Variants in ULK4 observed in about 807,000 individuals in gnomAD.
ULK4 encodes the protein inactive serine/threonine-protein kinase ULK4.
Under a neutral mutation model 160.6 loss-of-function variants are expected in ULK4, and 133 were observed. That is an observed-to-expected ratio of 0.83 (90% CI 0.72 to 0.96). The LOEUF (loss-of-function observed/expected upper bound fraction) is 0.96. Among genes scored for constraint, ULK4 ranks in the 40% least tolerant of loss-of-function variants. The pLI is 0.00. For missense variants in ULK4, 1,580 were observed against 1,499.5 expected (o/e 1.05, Z -0.89); for synonymous variants, 534 against 539.8 (o/e 0.99, Z 0.15).
At chr3:41,892,528 A>AT (rs1698004268) in intron 16 of ULK4, among the ~76,000 whole-genome samples, 1 of 152,250 alleles carries the variant, frequency 6.6e-6, no homozygotes, top group Non-Finnish European at 1.5e-5. Flanking sequence ...AAGGAATGAA[A>AT]TGCTGACACA....
At chr3:41,899,621 G>A (rs1698281909) in intron 13 of ULK4, among the ~76,000 whole-genome samples, 1 of 151,710 alleles carries the variant, frequency 6.6e-6, no homozygotes, top group South Asian at 2.1e-4. Context: ...AATTTTTTTT[G>A]TTTTTTAGTT....
At chr3:41,272,100 A>G (rs1306277765) in intron 35 of ULK4, among the ~76,000 whole-genome samples, 2 of 151,826 alleles carry the variant, frequency 1.3e-5, no homozygotes, top group African/African-American at 4.8e-5. Context: ...TATTTTTAGT[A>G]GAGATGGGGT....
intron 35 of ULK4, among the ~76,000 whole-genome samples, chr3:41,310,992 CA>C (rs1188818662): frequency 2.1e-5 from 3 of 139,992 alleles, no homozygotes; most frequent in Admixed American, 1.5e-4. Flanking sequence ...GACCTCGTCT[CA>C]AAAAAAAATA....
chr3:41,522,883 C>A (rs2085982117), intron 32 of ULK4, among the ~76,000 whole-genome samples: 1 of 152,132 alleles, frequency 6.6e-6, no homozygotes, highest in African/African-American at 2.4e-5. Context: ...GGTGAAAAAA[C>A]AGTCAACAGA....
intron 9 of ULK4, among the ~76,000 whole-genome samples, chr3:41,912,346 A>G (rs1340170787): frequency 6.6e-6 from 1 of 151,774 alleles, no homozygotes; most frequent in Non-Finnish European, 1.5e-5. Context: ...AAAAAAAAAA[A>G]AAATCCAGGT....
chr3:41,940,061 C>G (rs552853405), intron 2 of ULK4, among the ~76,000 whole-genome samples: 1 of 151,642 alleles, frequency 6.6e-6, no homozygotes, highest in Admixed American at 6.6e-5. Context: ...GAAATTGACA[C>G]TTCTAGTCTT....
intron 31 of ULK4, among the ~76,000 whole-genome samples, chr3:41,575,404 C>A (rs1457291755): frequency 6.6e-6 from 1 of 152,104 alleles, no homozygotes; most frequent in African/African-American, 2.4e-5. Context: ...CAGGCTCTGA[C>A]AGGGGCTGAG....
intron 18 of ULK4, 102 bp downstream of exon 18, chr3:41,835,762 C>T: frequency 2.5e-6 from 2 of 791,424 alleles, no homozygotes; most frequent in Non-Finnish European, 2.0e-6. Context: ...CAGGCGTGCT[C>T]TAAGGCGCAA....
At chr3:41,323,904 T>C (rs993483299) in intron 35 of ULK4, among the ~76,000 whole-genome samples, 3 of 152,176 alleles carry the variant, frequency 2.0e-5, no homozygotes, top group African/African-American at 7.2e-5. Flanking sequence ...ATGGCATAGG[T>C]CAGTTACTTC....
At chr3:41,904,057 T>A (rs1343615146) in intron 12 of ULK4, among the ~76,000 whole-genome samples, 1 of 152,056 alleles carries the variant, frequency 6.6e-6, no homozygotes, top group Non-Finnish European at 1.5e-5. Flanking sequence ...ATTTTTCTAT[T>A]TTCTTTGTCC....
At chr3:41,928,900 G>A (rs998576517) in intron 5 of ULK4, among the ~76,000 whole-genome samples, 3 of 152,066 alleles carry the variant, frequency 2.0e-5, no homozygotes, top group South Asian at 2.1e-4. Context: ...AGCCGAATTC[G>A]ACCGGAGGTA....
intron 35 of ULK4, among the ~76,000 whole-genome samples, chr3:41,277,121 C>CA (rs752419379): frequency 6.6e-6 from 1 of 151,916 alleles, no homozygotes; most frequent in Non-Finnish European, 1.5e-5. Flanking sequence ...AAATTACCAC[C>CA]AAAAAATGTC....
intron 18 of ULK4, among the ~76,000 whole-genome samples, chr3:41,828,987 T>G (rs554923541): frequency 2.8e-4 from 42 of 150,928 alleles, no homozygotes; most frequent in Non-Finnish European, 4.9e-4. Context: ...TCAGAAATAA[T>G]GCCACATATC....
chr3:41,413,540 T>A (rs1454350966), intron 34 of ULK4, among the ~76,000 whole-genome samples: 1 of 152,204 alleles, frequency 6.6e-6, no homozygotes, highest in Non-Finnish European at 1.5e-5. Context: ...ATTACCACCA[T>A]TACCCTCCTC....
intron 21 of ULK4, among the ~76,000 whole-genome samples, chr3:41,773,508 T>C (rs971996384): frequency 2.9e-4 from 44 of 152,100 alleles, no homozygotes; most frequent in African/African-American, 1.0e-3. Context: ...GGAATCCAAC[T>C]TAAAAGGGAT....
chr3:41,907,797 T>C, intron 12 of ULK4, 48 bp downstream of exon 12: 2 of 1,220,404 alleles, frequency 1.6e-6, no homozygotes, highest in Non-Finnish European at 2.3e-6. Context: ...ATTATTCTTG[T>C]GAGCTTCTAC....
At chr3:41,359,071 G>T (rs2081081052) in intron 35 of ULK4, among the ~76,000 whole-genome samples, 1 of 152,178 alleles carries the variant, frequency 6.6e-6, no homozygotes, top group Non-Finnish European at 1.5e-5. Flanking sequence ...CTCCCTTCAG[G>T]CCTCTGCTCA....
chr3:41,474,240 A>G (rs1406251757), intron 32 of ULK4, among the ~76,000 whole-genome samples: 1 of 152,216 alleles, frequency 6.6e-6, no homozygotes, highest in Admixed American at 6.5e-5. Context: ...AAAGGTATCA[A>G]GAACATATAA....
In ULK4 at chr3:41,911,295, C is replaced by T. The variant is rs184020484; in HGVS notation, c.1085+22G>A. On this transcript the variant is annotated intron_variant, in intron 11 of 36. Transcript: ENST00000301831. ...ATTTAACTTTTGTCTTGCACTGATC[C>T]CTCTTTTTTCATTTTACCTACCTGA... is the stretch of plus-strand genomic sequence containing the variant. 34 of 1,611,226 alleles carry T rather than the reference C, an allele frequency of 2.1e-5. No individual in the cohort carries two copies. In the African/African-American group the frequency reaches 4.1e-4, roughly 20 times the overall value.
Sources: allele counts gnomAD v4.1 joint callset (sites outside exome capture counted in the v4.1 genomes callset), GRCh38; gene constraint gnomAD v4.1.1; transcripts MANE v1.5; gene names NCBI Gene and HGNC (gene_info 2026-07-23, HGNC 2026-07-21).